The following MAP2 variants were observed in gnomAD, a reference collection of about 807,000 sequenced individuals.
MAP2 encodes microtubule-associated protein 2.
In MAP2, 14 loss-of-function variants were observed where a neutral mutation model predicts 137.6. That is an observed-to-expected ratio of 0.10 (90% CI 0.07 to 0.16). The LOEUF (loss-of-function observed/expected upper bound fraction) is 0.16. Ranked by LOEUF, MAP2 falls within the 10% of genes least tolerant of loss-of-function variation. The pLI, the probability that MAP2 is intolerant of heterozygous loss-of-function variation, is 1.00. For synonymous variants in MAP2, 786 were observed against 782.3 expected (o/e 1.00, Z -0.08); for missense variants, 2,088 against 2,191.5 (o/e 0.95, Z 0.94).
rs781155481 is a variant in MAP2, at chr2:209,680,811, T to C, written c.438T>C (p.Thr146=). The part of the protein sequence containing the change: ...SPPPSPASEQ[T]VTVEEDLLTA... ...CCCCATCACCTGCCTCAGAACAGACTGTCACAGTGGAGGAAGGTAAGGCCT... is the reference window on the plus strand; with the variant it reads ...CCCCATCACCTGCCTCAGAACAGACCGTCACAGTGGAGGAAGGTAAGGCCT... The change falls in exon 7 of 16, where the codon ACT becomes ACC. Residue 146 remains threonine (T), a synonymous_variant. Coordinates refer to ENST00000682079, the MANE Select transcript of MAP2 (RefSeq NM_001375505.1). 1 of 1,613,624 alleles carries C rather than the reference T, an allele frequency of 6.2e-7. No homozygotes were observed. The highest frequency in any genetic ancestry group is 1.1e-5 in the South Asian group (1 of 91,066).
At chr2:209,601,422 T>C (rs534522627) in intron 3 of MAP2, among the ~76,000 whole-genome samples, 1 of 152,300 alleles carries the variant, frequency 6.6e-6, no homozygotes, top group African/African-American at 2.4e-5. Context: ...ACTTTAGGCA[T>C]GTGAATTTTT....
chr2:209,668,195 G>A lies in MAP2; in HGVS notation c.263-10377G>A, dbSNP rs1040724263. Among the ~76,000 whole-genome samples, 3 of 151,966 alleles carry A rather than the reference G, an allele frequency of 2.0e-5. No homozygotes were observed. In the South Asian group the frequency reaches 6.2e-4, roughly 31 times the overall value. ...TCTTCAAGTAAAGAGTGAGTTCTTT[G>A]GCAAGTATAGGTATAATAGAGATGG... On this transcript the variant is annotated intron_variant, in intron 5 of 15. Coordinates refer to ENST00000682079, the MANE Select transcript of MAP2 (RefSeq NM_001375505.1).
chr2:209,597,862 C>T (rs909048692), intron 3 of MAP2, among the ~76,000 whole-genome samples: 1 of 152,054 alleles, frequency 6.6e-6, no homozygotes, highest in African/African-American at 2.4e-5. Flanking sequence ...TCAGATTAAG[C>T]CTCTCATCCT....
chr2:209,498,785 T>C (rs944542140), intron 1 of MAP2, among the ~76,000 whole-genome samples: 1 of 152,196 alleles, frequency 6.6e-6, no homozygotes, highest in Non-Finnish European at 1.5e-5. Context: ...TGCAGTACAG[T>C]ATCCTAAGGC....
Position 209,637,580 on chromosome 2 carries a change from C to T in MAP2, c.-30+12451C>T, listed in dbSNP as rs746406952. ...TAGGAAAAGAAAAGAAAAATGGGAG[C>T]GATCAGTCCACAGTGGCCCTTTTAA... On this transcript the variant is annotated intron_variant, in intron 4 of 15. Transcript: ENST00000682079. 8.7e-4 allele frequency among the ~76,000 whole-genome samples: 133 copies of T among 152,082 alleles called. 1 individual carries two copies. Among genetic ancestry groups the T allele is most frequent in the South Asian group, 1.0e-3 (5 of 4,816 alleles).
chr2:209,622,393 T>C (rs72997685), intron 3 of MAP2, among the ~76,000 whole-genome samples: 5,454 of 152,236 alleles, frequency 0.036, 144 homozygotes, highest in Non-Finnish European at 0.056. Flanking sequence ...GCTAAAAGAT[T>C]TGGGCACTTT....
chr2:209,644,486 A>G (rs537922153), intron 4 of MAP2, among the ~76,000 whole-genome samples: 7 of 152,184 alleles, frequency 4.6e-5, no homozygotes, highest in Non-Finnish European at 1.0e-4. Flanking sequence ...CCAATTTGCT[A>G]TATAGTGTTG....
chr2:209,727,567 T>C (rs1468502887), intron 14 of MAP2, among the ~76,000 whole-genome samples: 2 of 152,198 alleles, frequency 1.3e-5, no homozygotes, highest in African/African-American at 2.4e-5. Context: ...AATGACTAAA[T>C]TCATAAAGAA....
intron 1 of MAP2, among the ~76,000 whole-genome samples, chr2:209,453,803 C>T (rs560727371): frequency 6.6e-6 from 1 of 151,884 alleles, no homozygotes; most frequent in Non-Finnish European, 1.5e-5. Flanking sequence ...TTAATGTGGA[C>T]ATGATTAGGG....
intron 1 of MAP2, among the ~76,000 whole-genome samples, chr2:209,453,604 A>G (rs1445094237): frequency 1.3e-5 from 2 of 152,202 alleles, no homozygotes; most frequent in Non-Finnish European, 2.9e-5. Flanking sequence ...CATCTCAAAC[A>G]TTTATATGTG....
chr2:209,709,684 C>T (rs953052127), intron 12 of MAP2, among the ~76,000 whole-genome samples: 3 of 151,924 alleles, frequency 2.0e-5, no homozygotes, highest in Non-Finnish European at 4.4e-5. Context: ...AAAAAAAAAT[C>T]AGGTTTTTTT....
At chr2:209,720,061 G>A (rs912701212) in intron 13 of MAP2, among the ~76,000 whole-genome samples, 4 of 152,108 alleles carry the variant, frequency 2.6e-5, no homozygotes, top group Non-Finnish European at 5.9e-5. Flanking sequence ...TGTAAACACA[G>A]GCCTTAAAGT....
chr2:209,499,661 G>C (rs561541351), intron 1 of MAP2, among the ~76,000 whole-genome samples: 2 of 152,090 alleles, frequency 1.3e-5, no homozygotes, highest in African/African-American at 4.8e-5. Flanking sequence ...ACACAGTGCC[G>C]GCATCAGCTT....
At chr2:209,541,997 A>G (rs1040554812) in intron 2 of MAP2, among the ~76,000 whole-genome samples, 4 of 152,224 alleles carry the variant, frequency 2.6e-5, no homozygotes, top group African/African-American at 4.8e-5. Context: ...GAAAGTTTTC[A>G]GTTTACTTTG....
At chr2:209,688,387 ATAG>A (rs1329352808) in intron 7 of MAP2, among the ~76,000 whole-genome samples, 1 of 152,234 alleles carries the variant, frequency 6.6e-6, no homozygotes, top group Admixed American at 6.5e-5. Context: ...GCATCTTTAA[ATAG>A]CATCTTTAAA....
At chr2:209,451,434 G>A (rs1411244051) in intron 1 of MAP2, among the ~76,000 whole-genome samples, 1 of 152,172 alleles carries the variant, frequency 6.6e-6, no homozygotes, top group African/African-American at 2.4e-5. Context: ...GATTCCCACA[G>A]TGTCTGTGCC....
intron 2 of MAP2, among the ~76,000 whole-genome samples, chr2:209,564,607 C>T (rs975461172): frequency 6.8e-6 from 1 of 147,200 alleles, no homozygotes; most frequent in African/African-American, 2.5e-5. Context: ...GTAGCCACAA[C>T]CTTCATGTCT....
At chr2:209,514,511 TC>T (rs1467758875) in intron 2 of MAP2, among the ~76,000 whole-genome samples, 1 of 152,096 alleles carries the variant, frequency 6.6e-6, no homozygotes, top group Non-Finnish European at 1.5e-5. Context: ...TTTATTCTTT[TC>T]CTAAATTCAT....
chr2:209,696,387 CAAT>C (rs2060189964), intron 8 of MAP2, 37 bp downstream of exon 8: 2 of 1,522,246 alleles, frequency 1.3e-6, no homozygotes, highest in South Asian at 1.4e-5. Flanking sequence ...AACTCAAACA[CAAT>C]AACCTTATGG....
Sources: allele counts gnomAD v4.1 joint callset (sites outside exome capture counted in the v4.1 genomes callset), GRCh38; gene constraint gnomAD v4.1.1; transcripts MANE v1.5; gene names NCBI Gene and HGNC (gene_info 2026-07-23, HGNC 2026-07-21).